BACE2: variants seen among roughly 807,000 people sequenced by gnomAD.
The protein encoded by BACE2 is beta-secretase 2.
A neutral mutation model predicts 46.2 loss-of-function variants in BACE2; 17 were observed. The ratio of observed to expected loss-of-function variants is 0.37; its 90% CI spans 0.25 to 0.55. BACE2 has a LOEUF of 0.55. BACE2 is among the 20% of genes least tolerant of loss of function. The pLI is 0.82. For missense variants in BACE2, 595 were observed against 698.1 expected (o/e 0.85, Z 1.66); for synonymous variants, 277 against 295.9 (o/e 0.94, Z 0.66).
In BACE2 at chr21:41,216,773, C is replaced by T. The variant is rs779312067; in HGVS notation, c.313-9493C>T. Among the ~76,000 whole-genome samples, 36 of 152,172 alleles carry T rather than the reference C, an allele frequency of 2.4e-4. 1 individual carries two copies. Among genetic ancestry groups the T allele is most frequent in the Admixed American group, 4.6e-4 (7 of 15,282 alleles). Reference sequence around the variant, plus strand: ...GTTACGCAGTCGCAGTCAGCGCGGACGTGCGTTGCCAGCCTGACCGGCCGG... The same window carrying T: ...GTTACGCAGTCGCAGTCAGCGCGGATGTGCGTTGCCAGCCTGACCGGCCGG... On this transcript the variant is annotated intron_variant, in intron 1 of 8. Coordinates refer to ENST00000330333, the MANE Select transcript of BACE2 (RefSeq NM_012105.5).
At chr21:41,198,441 G>A (rs1313402665) in intron 1 of BACE2, among the ~76,000 whole-genome samples, 1 of 152,220 alleles carries the variant, frequency 6.6e-6, no homozygotes, top group African/African-American at 2.4e-5. Context: ...GTGTATCTGG[G>A]TACTCAGGCT....
intron 1 of BACE2, chr21:41,177,998 T>TG: frequency 6.6e-6 from 1 of 152,306 alleles, no homozygotes; most frequent in South Asian, 2.1e-4. Context: ...TGGCATCCTC[T>TG]GGGGACATTT....
Position 41,281,863 on chromosome 21 carries a change from T to C in BACE2, c.*6239T>C, listed in dbSNP as rs112925813. 6.6e-6 allele frequency: 1 copy of C among 152,224 alleles called. No homozygotes were observed. Among genetic ancestry groups the C allele is most frequent in the Non-Finnish European group, 1.5e-5 (1 of 68,042 alleles). 9.4% of individuals were successfully genotyped at this position (152,224 alleles called of 1,614,324 possible). A position where few individuals can be genotyped will look rare whatever the true frequency, so the allele number is the denominator to read the frequency against. On this transcript the variant is annotated 3_prime_UTR_variant, in exon 9 of 9. Transcript: ENST00000330333. ...CTCTCACATTTATATCAGTGAGGTTTGAAATTCTGTGTAGCAGTTACTCAG... is the reference window on the plus strand; with the variant it reads ...CTCTCACATTTATATCAGTGAGGTTCGAAATTCTGTGTAGCAGTTACTCAG...
At chr21:41,168,615 G>A in intron 1 of BACE2, 40 bp downstream of exon 1, 1 of 1,281,508 alleles carries the variant, frequency 7.8e-7, no homozygotes, top group Non-Finnish European at 9.9e-7. Flanking sequence ...TTTCGGGCTC[G>A]TTGGAGGGAG....
At chr21:41,195,970 A>G (rs999753492) in intron 1 of BACE2, among the ~76,000 whole-genome samples, 2 of 152,144 alleles carry the variant, frequency 1.3e-5, no homozygotes, top group African/African-American at 2.4e-5. Flanking sequence ...AAAATTACAT[A>G]CATTTATCCT....
At chr21:41,238,973 A>G (rs1274708061) in intron 3 of BACE2, among the ~76,000 whole-genome samples, 3 of 150,902 alleles carry the variant, frequency 2.0e-5, no homozygotes, top group African/African-American at 7.3e-5. Flanking sequence ...AAAAAAAAAA[A>G]AAAAAAGAAC....
intron 1 of BACE2, among the ~76,000 whole-genome samples, chr21:41,212,662 G>A (rs937769038): frequency 3.3e-5 from 5 of 152,140 alleles, no homozygotes; most frequent in South Asian, 2.1e-4. Context: ...AGGGAGCAAC[G>A]GTTTGGACCC....
rs551282249 is a variant in BACE2 at position 41,233,822 on chromosome 21, A to G, written c.402-3691A>G. Among the ~76,000 whole-genome samples the G allele has an allele frequency of 2.2e-4, 33 of 152,286 alleles. 1 individual carries two copies. Among genetic ancestry groups the G allele is most frequent in the African/African-American group, 1.9e-4 (8 of 41,558 alleles). ...CTAAAAATACAAAAATTAGCTGGGC[A>G]TGGTGGCATGCGCCTGTAATCCCAG... On this transcript the variant is annotated intron_variant, in intron 2 of 8. Coordinates refer to ENST00000330333, the MANE Select transcript of BACE2 (RefSeq NM_012105.5).
intron 1 of BACE2, among the ~76,000 whole-genome samples, chr21:41,195,938 G>A (rs1293978434): frequency 6.6e-6 from 1 of 152,126 alleles, no homozygotes; most frequent in Non-Finnish European, 1.5e-5. Context: ...TTTCTATGGA[G>A]AGGAATTTGG....
intron 3 of BACE2, among the ~76,000 whole-genome samples, chr21:41,238,463 G>A (rs1344488108): frequency 2.0e-5 from 3 of 152,316 alleles, no homozygotes; most frequent in East Asian, 1.9e-4. Context: ...GGGAGTAGAC[G>A]CTAGGGGTGT....
intron 1 of BACE2, among the ~76,000 whole-genome samples, chr21:41,215,726 G>A (rs867818872): frequency 2.0e-4 from 30 of 152,310 alleles, no homozygotes; most frequent in Middle Eastern, 3.4e-3. Flanking sequence ...TCTCCAAGGC[G>A]TTTCTGTTTT....
At chr21:41,263,632 G>C (rs1987995386) in intron 8 of BACE2, among the ~76,000 whole-genome samples, 1 of 152,188 alleles carries the variant, frequency 6.6e-6, no homozygotes, top group Non-Finnish European at 1.5e-5. Flanking sequence ...TGTTCCCTTA[G>C]TGTTTTGAAG....
At chr21:41,275,224 A>T in intron 8 of BACE2, 147 bp from the exon 9 acceptor site, 1 of 1,092,502 alleles carries the variant, frequency 9.2e-7, no homozygotes, top group Non-Finnish European at 1.3e-6. Flanking sequence ...CCGTGACCCC[A>T]CTCAGTGCTT....
intron 1 of BACE2, among the ~76,000 whole-genome samples, chr21:41,204,631 T>A (rs543376066): frequency 4.6e-5 from 7 of 152,054 alleles, no homozygotes; most frequent in Middle Eastern, 6.8e-3. Context: ...TATGTTGCAA[T>A]TTTTTTCTCC....
At chr21:41,172,961 C>T (rs979089866) in intron 1 of BACE2, among the ~76,000 whole-genome samples, 5 of 152,102 alleles carry the variant, frequency 3.3e-5, no homozygotes, top group Admixed American at 6.6e-5. Context: ...GACCCTTGGC[C>T]GCATGACTCC....
chr21:41,258,202 T>C (rs1987840770), intron 8 of BACE2, among the ~76,000 whole-genome samples: 1 of 152,178 alleles, frequency 6.6e-6, no homozygotes, highest in Non-Finnish European at 1.5e-5. Context: ...TCCAAAGTTG[T>C]GCTGGTGATA....
At chr21:41,168,879 C>G (rs1289086532) in intron 1 of BACE2, among the ~76,000 whole-genome samples, 3 of 152,220 alleles carry the variant, frequency 2.0e-5, no homozygotes, top group East Asian at 3.9e-4. Flanking sequence ...CCTCCAATAA[C>G]GTGATTTCCT....
Position 41,209,474 on chromosome 21 carries a change from G to A in BACE2, c.313-16792G>A, listed in dbSNP as rs117710348. On this transcript the variant is annotated intron_variant, in intron 1 of 8. Coordinates refer to ENST00000330333, the MANE Select transcript of BACE2 (RefSeq NM_012105.5). ...GGGTTTCAGTGCAGAGATAAGGAAT[G>A]CCAGTCTGGTGGATAATTTGATGCG... Among the ~76,000 whole-genome samples, 1,153 of 152,328 alleles carry A rather than the reference G, an allele frequency of 7.6e-3. 7 individuals are homozygous for A. Among genetic ancestry groups the A allele is most frequent in the Non-Finnish European group, 0.011 (755 of 68,022 alleles).
At position 41,275,692 on chromosome 21, in the gene BACE2, G is replaced by C; in HGVS notation, c.*68G>C. The C allele has an allele frequency of 6.4e-7, 1 of 1,571,246 alleles. No individual in the cohort carries two copies. Among genetic ancestry groups the C allele is most frequent in the Non-Finnish European group, 8.6e-7 (1 of 1,158,530 alleles). ...AGAAAATCACATTTCCAGGGCAGCAGCCGGGATCGATGGTGGCGCTTTCTC... is the reference window on the plus strand; with the variant it reads ...AGAAAATCACATTTCCAGGGCAGCACCCGGGATCGATGGTGGCGCTTTCTC... On this transcript the variant is annotated 3_prime_UTR_variant, in exon 9 of 9. Coordinates refer to ENST00000330333, the MANE Select transcript of BACE2 (RefSeq NM_012105.5).
Sources: allele counts gnomAD v4.1 joint callset (sites outside exome capture counted in the v4.1 genomes callset), GRCh38; gene constraint gnomAD v4.1.1; transcripts MANE v1.5; gene names NCBI Gene and HGNC (gene_info 2026-07-23, HGNC 2026-07-21).